SPATA17: variants seen among roughly 807,000 people sequenced by gnomAD.
The protein encoded by SPATA17 is spermatogenesis-associated protein 17.
SPATA17 carries 53 observed loss-of-function variants against 62.2 expected under a neutral mutation model. The ratio of observed to expected loss-of-function variants is 0.85; its 90% CI spans 0.68 to 1.07. The LOEUF (loss-of-function observed/expected upper bound fraction) is 1.07, where lower values mean the gene tolerates loss of function less well. SPATA17 is among the 50% of genes least tolerant of loss of function. The probability of loss-of-function intolerance (pLI) is 0.00; values close to 1 mark genes in which losing one functional copy is unlikely to be tolerated. For synonymous variants in SPATA17, 146 were observed against 146.8 expected (o/e 0.99, Z 0.04); for missense variants, 466 against 425.5 (o/e 1.10, Z -0.84).
intron 9 of SPATA17, among the ~76,000 whole-genome samples, chr1:217,834,177 A>G (rs1336312408): frequency 6.6e-6 from 1 of 152,130 alleles, no homozygotes; most frequent in African/African-American, 2.4e-5. Context: ...GTGTAAATAA[A>G]CCTATTGCTT....
chr1:217,728,394 G>A (rs1220641390), intron 5 of SPATA17, among the ~76,000 whole-genome samples: 1 of 152,022 alleles, frequency 6.6e-6, no homozygotes, highest in Admixed American at 6.5e-5. Context: ...ACAAATATTA[G>A]TATAGATGTT....
At chr1:217,676,570 A>G (rs17046757) in intron 4 of SPATA17, among the ~76,000 whole-genome samples, 28,793 of 152,102 alleles carry the variant, frequency 0.19, 3,074 homozygotes, top group African/African-American at 0.29. Context: ...TAACCTAAAC[A>G]TAATGGGGAC....
At chr1:217,661,679 G>C (rs544100103) in intron 3 of SPATA17, among the ~76,000 whole-genome samples, 2 of 151,950 alleles carry the variant, frequency 1.3e-5, no homozygotes, top group African/African-American at 2.4e-5. Flanking sequence ...ACCCAAATTT[G>C]CCTATCTTAG....
At chr1:217,851,136 T>A (rs1675655972) in intron 9 of SPATA17, among the ~76,000 whole-genome samples, 1 of 152,166 alleles carries the variant, frequency 6.6e-6, no homozygotes, top group Non-Finnish European at 1.5e-5. Context: ...CTAGTGAATA[T>A]TCTTCAGTGT....
intron 8 of SPATA17, among the ~76,000 whole-genome samples, chr1:217,790,285 T>A (rs1036478564): frequency 6.6e-6 from 1 of 152,038 alleles, no homozygotes; most frequent in Non-Finnish European, 1.5e-5. Context: ...AATAAATAGC[T>A]CTAGAACAAG....
intron 2 of SPATA17, 68 bp downstream of exon 2, chr1:217,649,039 A>G: frequency 9.4e-7 from 1 of 1,068,052 alleles, no homozygotes; most frequent in Non-Finnish European, 1.4e-6. Context: ...AATGTAATTT[A>G]TTCATGAAGT....
At chr1:217,834,700 A>T (rs1416889558) in intron 9 of SPATA17, among the ~76,000 whole-genome samples, 1 of 152,290 alleles carries the variant, frequency 6.6e-6, no homozygotes, top group South Asian at 2.1e-4. Context: ...AAAGTAAAAA[A>T]GTTACAGTAA....
chr1:217,741,126 C>T (rs1391887272), intron 5 of SPATA17, among the ~76,000 whole-genome samples: 1 of 152,144 alleles, frequency 6.6e-6, no homozygotes, highest in African/African-American at 2.4e-5. Flanking sequence ...CAGAACTAGA[C>T]ACTAAGTTAC....
At chr1:217,677,553 AAT>A (rs1670976026) in intron 4 of SPATA17, among the ~76,000 whole-genome samples, 1 of 152,112 alleles carries the variant, frequency 6.6e-6, no homozygotes, top group African/African-American at 2.4e-5. Flanking sequence ...ATACAGAATG[AAT>A]AACAGTTTTA....
At chr1:217,652,737 G>T (rs1670350861) in intron 3 of SPATA17, among the ~76,000 whole-genome samples, 1 of 152,142 alleles carries the variant, frequency 6.6e-6, no homozygotes, top group Non-Finnish European at 1.5e-5. Flanking sequence ...CATTAAATAT[G>T]CAATATCTCT....
At chr1:217,787,085 C>G (rs976148555) in intron 8 of SPATA17, among the ~76,000 whole-genome samples, 4 of 152,034 alleles carry the variant, frequency 2.6e-5, no homozygotes, top group African/African-American at 9.7e-5. Flanking sequence ...TCATCCATAT[C>G]CTATGAGTCC....
intron 8 of SPATA17, among the ~76,000 whole-genome samples, chr1:217,797,251 CTT>C (rs11360301): frequency 1.6e-3 from 191 of 119,812 alleles, no homozygotes; most frequent in Non-Finnish European, 1.8e-3. Flanking sequence ...TTCTTTCTTT[CTT>C]TTTTTTTTTT....
At chr1:217,722,164 AG>A (rs1672141240) in intron 5 of SPATA17, among the ~76,000 whole-genome samples, 1 of 152,198 alleles carries the variant, frequency 6.6e-6, no homozygotes, top group Admixed American at 6.5e-5. Flanking sequence ...AAAATAAATG[AG>A]GGGTACTTAA....
chr1:217,631,499 T>C, intron 1 of SPATA17, 53 bp downstream of exon 1: 10 of 1,583,470 alleles, frequency 6.3e-6, no homozygotes, highest in Non-Finnish European at 8.7e-6. Context: ...TTTATACCAG[T>C]TGTTCCTCAG....
At chr1:217,644,181 T>C (rs1670131197) in intron 1 of SPATA17, among the ~76,000 whole-genome samples, 2 of 152,310 alleles carry the variant, frequency 1.3e-5, no homozygotes, top group South Asian at 2.1e-4. Context: ...TGCAACCCAC[T>C]ATTCCTTGAG....
At chr1:217,662,638 T>C (rs1670595708) in intron 3 of SPATA17, among the ~76,000 whole-genome samples, 1 of 152,178 alleles carries the variant, frequency 6.6e-6, no homozygotes, top group African/African-American at 2.4e-5. Context: ...AATGATGACA[T>C]GTACCATCAA....
chr1:217,853,569 T>TAGCA (rs1489256042), intron 9 of SPATA17, among the ~76,000 whole-genome samples: 2 of 152,178 alleles, frequency 1.3e-5, no homozygotes, highest in African/African-American at 4.8e-5. Context: ...GACTGTCTTA[T>TAGCA]AGCAATCAAT....
At chr1:217,834,607 G>A (rs1290472554) in intron 9 of SPATA17, among the ~76,000 whole-genome samples, 1 of 152,040 alleles carries the variant, frequency 6.6e-6, no homozygotes, top group Non-Finnish European at 1.5e-5. Context: ...AAGGAAAAAT[G>A]TTTTTGTACA....
chr1:217,857,407 C>T (rs1489779325), intron 9 of SPATA17, among the ~76,000 whole-genome samples: 1 of 152,138 alleles, frequency 6.6e-6, no homozygotes, highest in Non-Finnish European at 1.5e-5. Context: ...CCAAGGAGCT[C>T]ATTTTGGCAG....
Sources: allele counts gnomAD v4.1 joint callset (sites outside exome capture counted in the v4.1 genomes callset), GRCh38; gene constraint gnomAD v4.1.1; transcripts MANE v1.5; gene names NCBI Gene and HGNC (gene_info 2026-07-23, HGNC 2026-07-21).